Variants in RTEL1 observed in about 807,000 individuals in gnomAD.
The protein encoded by RTEL1 is regulator of telomere elongation helicase 1, also known as regulator of telomere length.
In RTEL1, 86 loss-of-function variants were observed where a neutral mutation model predicts 162.2. The observed-to-expected ratio is 0.53, with a 90% CI of 0.45 to 0.63. RTEL1 has a LOEUF of 0.63. Among genes scored for constraint, RTEL1 ranks in the 30% least tolerant of loss-of-function variants. The pLI, the probability that RTEL1 is intolerant of heterozygous loss-of-function variation, is 0.00. For synonymous variants in RTEL1, 958 were observed against 717.9 expected, an observed-to-expected ratio of 1.33 and a Z score of -5.35; for missense variants, 1,941 against 1,750.2, an observed-to-expected ratio of 1.11 and a Z score of -1.95.
At chr20:63,660,261 A>C (rs1242861002) in intron 2 of RTEL1, among the ~76,000 whole-genome samples, 3 of 152,124 alleles carry the variant, frequency 2.0e-5, no homozygotes, top group Admixed American at 2.0e-4. Context: ...CAGACCCTTC[A>C]CGGGTGTTGG....
rs543685758 is a variant in RTEL1 at position 63,661,454 on chromosome 20, T to A, written c.259T>A (p.Ser87Thr). ...AGAGCTTTTCCCGGATCGGGCCTTG[T>A]CATCCTGGGGCAACGCTGCTGCTGC... ...QGELFPDRAL[S>T]SWGNAAAAAG... The change falls in exon 3 of 35, where the codon TCA (serine) becomes ACA (threonine). Residue 87 changes from serine to threonine, a missense_variant. Physicochemically the swap from Ser to Thr is moderately conservative, Grantham distance 58. Coordinates refer to ENST00000360203, the MANE Select transcript of RTEL1 (RefSeq NM_001283009.2). The surrounding 1 kb of genome is among the most constrained non-coding windows in gnomAD (Gnocchi z 5.1). 12 of 1,613,348 alleles carry A rather than the reference T, an allele frequency of 7.4e-6. No homozygotes were observed. In the African/African-American group the frequency reaches 1.6e-4, roughly 22 times the overall value.
chr20:63,692,785 C>T lies in RTEL1; in HGVS notation c.2653-20C>T, dbSNP rs776381697. 2.5e-6 allele frequency: 4 copies of T among 1,603,096 alleles called. No homozygotes were observed. The South Asian group carries it at 4.4e-5, about 18-fold the overall frequency. On this transcript the variant is annotated intron_variant, in intron 28 of 34. Coordinates refer to ENST00000360203, the MANE Select transcript of RTEL1 (RefSeq NM_001283009.2). ...ATGATGAGGCTGGCCCTGATGGAGC[C>T]TCGGGCCTGTGTCCTGCAGGAGGAG...
chr20:63,661,074 G>C lies in RTEL1; in HGVS notation c.103-224G>C, dbSNP rs994339225. On this transcript the variant is annotated intron_variant, in intron 2 of 34. Coordinates refer to ENST00000360203, the MANE Select transcript of RTEL1 (RefSeq NM_001283009.2). The surrounding 1 kb of genome is among the most constrained non-coding windows in gnomAD (Gnocchi z 5.1). ...AGTGTCGTGTTTTGGGTAACGTTCTGCAAATCGTTTGCTAATGGCGGCTGA... is the reference window on the plus strand; with the variant it reads ...AGTGTCGTGTTTTGGGTAACGTTCTCCAAATCGTTTGCTAATGGCGGCTGA... 2.7e-4 allele frequency among the ~76,000 whole-genome samples: 41 copies of C among 152,258 alleles called. 1 individual carries two copies. Among genetic ancestry groups the C allele is most frequent in the Admixed American group, 2.7e-3 (41 of 15,286 alleles).
intron 20 of RTEL1, 51 bp from the exon 21 acceptor site, chr20:63,688,477 G>A (rs1162367122): frequency 1.6e-5 from 26 of 1,606,500 alleles, no homozygotes; most frequent in East Asian, 4.5e-5. Flanking sequence ...TGCCCTCATC[G>A]GATCGGCGGC....
intron 14 of RTEL1, chr20:63,681,747 C>G: frequency 5.1e-6 from 5 of 985,330 alleles, no homozygotes; most frequent in Non-Finnish European, 6.0e-6. Context: ...CTCAGCCCTC[C>G]CTCCACTGTG....
chr20:63,692,085 T>G (rs1244384470), intron 28 of RTEL1: 1 of 475,262 alleles, frequency 2.1e-6, no homozygotes, highest in Non-Finnish European at 3.8e-6. Context: ...CCTGCAGCAC[T>G]GGGCTTGGCC....
intron 28 of RTEL1, chr20:63,692,520 A>T: frequency 2.0e-6 from 1 of 512,030 alleles, no homozygotes; most frequent in Non-Finnish European, 3.6e-6. Context: ...GAGACGGGCC[A>T]TGCAGGACCC....
Position 63,668,571 on chromosome 20 carries a change from A to G in RTEL1, c.699+1018A>G, listed in dbSNP as rs2090187314. Among the ~76,000 whole-genome samples, 1 of 152,078 alleles carries G rather than the reference A, an allele frequency of 6.6e-6. No individual in the cohort carries two copies. Among genetic ancestry groups the G allele is most frequent in the South Asian group, 2.1e-4 (1 of 4,812 alleles). Reference sequence around the variant, plus strand: ...TGCTGGTGGGTCTGAGGGGAGCCTCAGCAGGTGCAGCAGAGCAAGGGAAGA... The same window carrying G: ...TGCTGGTGGGTCTGAGGGGAGCCTCGGCAGGTGCAGCAGAGCAAGGGAAGA... On this transcript the variant is annotated intron_variant, in intron 8 of 34. Transcript: ENST00000360203. The surrounding 1 kb of genome is among the most constrained non-coding windows in gnomAD (Gnocchi z 4.3).
chr20:63,663,964 C>A (rs1401693930), intron 6 of RTEL1, among the ~76,000 whole-genome samples: 1 of 152,162 alleles, frequency 6.6e-6, no homozygotes, highest in Non-Finnish European at 1.5e-5. Context: ...GGAACATGGG[C>A]CTGCAGGGAG....
At position 63,693,297 on chromosome 20, in the gene RTEL1, C is replaced by T. The variant is rs776911718; in HGVS notation, c.2992+14C>T. The T allele has an allele frequency of 1.1e-5, 17 of 1,611,000 alleles. No homozygotes were observed. In the East Asian group the frequency reaches 1.3e-4, roughly 13 times the overall value. ...TGGACCCCACTGGTAAATGGGGCCC[C>T]AGGTGGGACCCTCAGACTCCTGCGT... On this transcript the variant is annotated intron_variant, in intron 30 of 34. Transcript: ENST00000360203.
intron 7 of RTEL1, among the ~76,000 whole-genome samples, chr20:63,666,564 C>G (rs1258896140): frequency 1.3e-5 from 2 of 152,182 alleles, no homozygotes; most frequent in East Asian, 3.8e-4. Flanking sequence ...GAAACAGGGT[C>G]TCGCTCTGCT....
At position 63,690,433 on chromosome 20, in the gene RTEL1, G is replaced by C. The variant is rs2090708057; in HGVS notation, c.2405G>C (p.Arg802Thr). ...LDLHVPSLKQ[R>T]SSGSPAAGDP... is the part of the protein sequence containing the mutation. ...CTGCATGTCCCCAGCCTGAAGCAGAGGTCCTCAGGTGCGGACGGGCAGCGC... is the reference window on the plus strand; with the variant it reads ...CTGCATGTCCCCAGCCTGAAGCAGACGTCCTCAGGTGCGGACGGGCAGCGC... Residue 802 changes from arginine (R) to threonine (T), a missense_variant, in exon 26 of 35, where the codon AGG (arginine) becomes ACG (threonine). Transcript: ENST00000360203. 1 of 1,591,812 alleles carries C rather than the reference G, an allele frequency of 6.3e-7. No individual in the cohort carries two copies. Among genetic ancestry groups the C allele is most frequent in the South Asian group, 1.1e-5 (1 of 89,654 alleles).
At chr20:63,693,409 G>T in intron 30 of RTEL1, 126 bp downstream of exon 30, 1 of 1,133,488 alleles carries the variant, frequency 8.8e-7, no homozygotes, top group Non-Finnish European at 1.3e-6. Context: ...TCCCCTATGG[G>T]AGTGATGGGG....
intron 6 of RTEL1, among the ~76,000 whole-genome samples, chr20:63,664,584 G>T (rs989589605): frequency 1.3e-5 from 2 of 152,206 alleles, no homozygotes; most frequent in African/African-American, 4.8e-5. Flanking sequence ...GAAGACACAG[G>T]CCAGCCCCTG....
Position 63,666,039 on chromosome 20 carries a change from C to T in RTEL1, c.574C>T (p.Leu192=). 6.2e-7 allele frequency: 1 copy of T among 1,614,182 alleles called. No individual in the cohort carries two copies. The highest frequency in any genetic ancestry group is 8.5e-7 in the Non-Finnish European group (1 of 1,180,030). ...GGAGCAGGAGCTGGCCAGCCCCATC[C>T]TGGACATTGAGGACTTGGTCAAGAG... ...SLEQELASPI[L]DIEDLVKSGS... Residue 192 remains leucine, a synonymous_variant, in exon 7 of 35, where the codon CTG becomes TTG. Coordinates refer to ENST00000360203, the MANE Select transcript of RTEL1 (RefSeq NM_001283009.2).
chr20:63,694,020 A>G (rs982543369), intron 30 of RTEL1, among the ~76,000 whole-genome samples: 1 of 151,754 alleles, frequency 6.6e-6, no homozygotes, highest in African/African-American at 2.4e-5. Flanking sequence ...TGTGTTAATG[A>G]ACAGCCCCTA....
chr20:63,692,547 C>T (rs1601180534), intron 28 of RTEL1: 2 of 550,284 alleles, frequency 3.6e-6, no homozygotes, highest in Non-Finnish European at 6.5e-6. Flanking sequence ...TGAGGCAGAG[C>T]CAATCTACCC....
At chr20:63,687,292 G>T (rs549681672) in intron 16 of RTEL1, 1 of 248,344 alleles carries the variant, frequency 4.0e-6, no homozygotes, top group Non-Finnish European at 7.7e-6. Flanking sequence ...CTTCCTTCCC[G>T]TGTGCTCTTG....
At chr20:63,692,151 A>G (rs1263986909) in intron 28 of RTEL1, 1 of 308,530 alleles carries the variant, frequency 3.2e-6, no homozygotes, top group Non-Finnish European at 6.1e-6. Flanking sequence ...GACACAGCCC[A>G]TTCCTAGCCT....
Sources: gnomAD v4.1 joint callset for allele counts (sites outside exome capture counted in the v4.1 genomes callset) on GRCh38, gnomAD v4.1.1 for gene constraint, Gnocchi (gnomAD v3.1) non-coding constraint, MANE v1.5 for transcripts, NCBI Gene and HGNC (gene_info 2026-07-23, HGNC 2026-07-21) for gene names.